FAAH2: variants seen among roughly 807,000 people sequenced by gnomAD.
FAAH2 encodes the protein fatty acid amide hydrolase 2, also known as fatty-acid amide hydrolase 2.
FAAH2 carries 60 observed loss-of-function variants against 36.9 expected under a neutral mutation model. That is an observed-to-expected ratio of 1.63 (90% CI 1.32 to 2.02). The LOEUF (loss-of-function observed/expected upper bound fraction) is 2.02. FAAH2 is among the 30% of genes most tolerant of loss of function. FAAH2 has a pLI of 0.00. For synonymous variants in FAAH2, 214 were observed against 143.8 expected (o/e 1.49, Z -3.49); for missense variants, 689 against 397.5 (o/e 1.73, Z -6.23).
chrX:57,180,334 A>T, the FAAH2 span, among the ~76,000 whole-genome samples: 1 of 111,751 alleles, frequency 8.9e-6, no homozygotes, highest in Non-Finnish European at 1.9e-5. Context: ...AGCCATTTTT[A>T]AAAAATATAG....
chrX:57,264,045 C>A, the FAAH2 span, among the ~76,000 whole-genome samples: 29 of 111,834 alleles, frequency 2.6e-4, no homozygotes, highest in African/African-American at 9.4e-4. Context: ...ACTTAAAATA[C>A]TAAACATAAA....
chrX:57,292,065 G>T (rs913681940), intron 1 of FAAH2, among the ~76,000 whole-genome samples: 1 of 110,608 alleles, frequency 9.0e-6, no homozygotes, highest in Non-Finnish European at 1.9e-5. Flanking sequence ...CTAACTTTAT[G>T]CCCTTTTATG....
chrX:57,282,413 GTTAT>G (rs1048082815), upstream of FAAH2, among the ~76,000 whole-genome samples: 12 of 111,396 alleles, frequency 1.1e-4, no homozygotes, highest in Non-Finnish European at 2.3e-4. Context: ...TTTTAATGGG[GTTAT>G]TTGTTTATTG....
At chrX:57,487,603 A>G (rs1222518371) in intron 10 of FAAH2, among the ~76,000 whole-genome samples, 1 of 112,418 alleles carries the variant, frequency 8.9e-6, no homozygotes, top group African/African-American at 3.2e-5. Flanking sequence ...TAAAATAGTT[A>G]TAAACCAAAA....
the FAAH2 span, among the ~76,000 whole-genome samples, chrX:57,187,223 C>T: frequency 9.1e-6 from 1 of 110,422 alleles, no homozygotes; most frequent in Non-Finnish European, 1.9e-5. Context: ...CATTTGTGTC[C>T]CCTTTTATTT....
the FAAH2 span, among the ~76,000 whole-genome samples, chrX:57,233,892 C>T: frequency 7.6e-4 from 86 of 112,921 alleles, no homozygotes; most frequent in Non-Finnish European, 1.3e-3. Context: ...GTGATCCGCC[C>T]GCCTCTGCCT....
chrX:57,394,017 T>A, intron 7 of FAAH2: 1 of 760,271 alleles, frequency 1.3e-6, no homozygotes, highest in Non-Finnish European at 2.1e-6. Flanking sequence ...ACCAAATGAG[T>A]AAAGGTAGCC....
At chrX:57,409,404 G>A (rs1247690137) in intron 7 of FAAH2, among the ~76,000 whole-genome samples, 2 of 111,303 alleles carry the variant, frequency 1.8e-5, no homozygotes, top group Admixed American at 1.9e-4. Flanking sequence ...TGCTGGGCTT[G>A]TAGAATAGGT....
intron 3 of FAAH2, among the ~76,000 whole-genome samples, chrX:57,331,084 G>T (rs1410674140): frequency 1.8e-5 from 2 of 111,269 alleles, no homozygotes; most frequent in South Asian, 7.7e-4. Flanking sequence ...AGTCTCCTGT[G>T]GGAGCCAGTC....
At chrX:57,349,804 A>G (rs971489347) in intron 5 of FAAH2, among the ~76,000 whole-genome samples, 1 of 110,144 alleles carries the variant, frequency 9.1e-6, no homozygotes, top group African/African-American at 3.3e-5. Flanking sequence ...ATATTCCTAA[A>G]TGTGAGGATA....
At chrX:57,273,319 T>C in the FAAH2 span, among the ~76,000 whole-genome samples, 1 of 111,063 alleles carries the variant, frequency 9.0e-6, no homozygotes. Flanking sequence ...ATGGGAGAAT[T>C]TCACACTCCA....
chrX:57,448,084 G>A (rs762853138), intron 9 of FAAH2, among the ~76,000 whole-genome samples: 3 of 111,302 alleles, frequency 2.7e-5, no homozygotes, highest in African/African-American at 6.5e-5. Flanking sequence ...TGACCTCCTG[G>A]GCTAAAGCAA....
the FAAH2 span, among the ~76,000 whole-genome samples, chrX:57,155,628 G>T: frequency 8.9e-6 from 1 of 112,361 alleles, no homozygotes; most frequent in African/African-American, 3.2e-5. Context: ...CTTTGAGTCT[G>T]CACACGAGTT....
intron 5 of FAAH2, among the ~76,000 whole-genome samples, chrX:57,368,312 C>T (rs2054470148): frequency 9.2e-6 from 1 of 108,474 alleles, no homozygotes; most frequent in Admixed American, 9.9e-5. Context: ...TGCATGCACC[C>T]TCAGTGGACA....
intron 5 of FAAH2, among the ~76,000 whole-genome samples, chrX:57,351,924 C>A (rs1301318790): frequency 1.0e-5 from 1 of 99,971 alleles, no homozygotes; most frequent in Non-Finnish European, 2.0e-5. Flanking sequence ...GATATTATTC[C>A]AAAAACTTGA....
At chrX:57,373,928 C>G (rs1241421609) in intron 5 of FAAH2, among the ~76,000 whole-genome samples, 1 of 111,141 alleles carries the variant, frequency 9.0e-6, no homozygotes, top group Non-Finnish European at 1.9e-5. Context: ...GTTTCATTAT[C>G]CTAGATGTGG....
At chrX:57,460,824 G>A (rs1294927486) in intron 10 of FAAH2, among the ~76,000 whole-genome samples, 3 of 111,727 alleles carry the variant, frequency 2.7e-5, no homozygotes, top group African/African-American at 9.8e-5. Context: ...ATGTAAATGG[G>A]CTAAATGCCC....
chrX:57,356,040 A>G (rs2054150253), intron 5 of FAAH2, among the ~76,000 whole-genome samples: 1 of 111,268 alleles, frequency 9.0e-6, no homozygotes, highest in African/African-American at 3.3e-5. Flanking sequence ...TGAGATAGTC[A>G]TCTGGGTTTT....
chrX:57,166,707 C>A, the FAAH2 span, among the ~76,000 whole-genome samples: 1 of 112,174 alleles, frequency 8.9e-6, no homozygotes, highest in Non-Finnish European at 1.9e-5. Flanking sequence ...TTACGGTGAT[C>A]TTGAAGAAAG....
Sources: allele counts gnomAD v4.1 joint callset (sites outside exome capture counted in the v4.1 genomes callset), GRCh38; gene constraint gnomAD v4.1.1; transcripts MANE v1.5; gene names NCBI Gene and HGNC (gene_info 2026-07-23, HGNC 2026-07-21).